BMPR1B: variants seen among roughly 807,000 people sequenced by gnomAD.
BMPR1B encodes the protein bone morphogenetic protein receptor type 1B.
BMPR1B carries 12 observed loss-of-function variants against 59.1 expected under a neutral mutation model. The ratio of observed to expected loss-of-function variants is 0.20; its 90% CI spans 0.13 to 0.33. BMPR1B has a LOEUF of 0.33. Among genes scored for constraint, BMPR1B ranks in the 10% least tolerant of loss-of-function variants. BMPR1B has a pLI of 1.00. For synonymous variants in BMPR1B, 237 were observed against 207.3 expected (o/e 1.14, Z -1.23); for missense variants, 550 against 610.9 (o/e 0.90, Z 1.05).
intron 2 of BMPR1B, among the ~76,000 whole-genome samples, chr4:94,910,811 C>T (rs1284829338): frequency 2.0e-5 from 3 of 151,872 alleles, no homozygotes; most frequent in East Asian, 3.9e-4. Flanking sequence ...GCTCAGGAGG[C>T]GGAGGCAGGA....
intron 2 of BMPR1B, among the ~76,000 whole-genome samples, chr4:94,916,068 C>G (rs1322865741): frequency 6.6e-6 from 1 of 152,184 alleles, no homozygotes; most frequent in Admixed American, 6.5e-5. Context: ...CAGACCCACA[C>G]TTTCTGTATA....
At chr4:94,947,860 T>A (rs375282794) in intron 2 of BMPR1B, among the ~76,000 whole-genome samples, 1 of 152,242 alleles carries the variant, frequency 6.6e-6, no homozygotes, top group Non-Finnish European at 1.5e-5. Context: ...TTCATGGCCT[T>A]ACATTTACCT....
At chr4:94,961,360 C>G (rs1432631937) in intron 2 of BMPR1B, among the ~76,000 whole-genome samples, 1 of 152,148 alleles carries the variant, frequency 6.6e-6, no homozygotes, top group Non-Finnish European at 1.5e-5. Flanking sequence ...TCAGAGACCA[C>G]ATGGCCGGCA....
chr4:94,794,409 T>C (rs1321371053), intron 1 of BMPR1B, among the ~76,000 whole-genome samples: 2 of 151,164 alleles, frequency 1.3e-5, no homozygotes, highest in Non-Finnish European at 2.9e-5. Context: ...CCATGCTGTT[T>C]TGGTAACTGT....
intron 10 of BMPR1B, among the ~76,000 whole-genome samples, chr4:95,143,488 C>G (rs1218402475): frequency 3.3e-5 from 5 of 152,110 alleles, no homozygotes; most frequent in Non-Finnish European, 1.5e-5. Flanking sequence ...CTCCCCTTCC[C>G]TACCCTCAAA....
rs535533177 is a variant in BMPR1B at position 95,022,630 on chromosome 4, T to C, written c.-18+26496T>C. On this transcript the variant is annotated intron_variant, in intron 3 of 12. Coordinates refer to ENST00000515059, the MANE Select transcript of BMPR1B (RefSeq NM_001203.3). ...TGCCTATTTCTGAGCTTTAATGTTA[T>C]GTTCTACGGCAGGAAAATATTTTTA... Among the ~76,000 whole-genome samples the C allele has an allele frequency of 2.6e-3, 399 of 152,272 alleles. 2 individuals are homozygous for C. Among genetic ancestry groups the C allele is most frequent in the African/African-American group, 8.8e-3 (367 of 41,570 alleles).
intron 2 of BMPR1B, among the ~76,000 whole-genome samples, chr4:94,882,348 C>T (rs1727005917): frequency 1.3e-5 from 2 of 152,108 alleles, no homozygotes; most frequent in African/African-American, 4.8e-5. Context: ...TATAGCTTTG[C>T]CTTAATCTTG....
intron 8 of BMPR1B, among the ~76,000 whole-genome samples, chr4:95,125,426 C>T: frequency 6.6e-6 from 1 of 152,240 alleles, no homozygotes; most frequent in South Asian, 2.1e-4. Context: ...ATAGCATTAC[C>T]GCACTTTGGC....
intron 1 of BMPR1B, among the ~76,000 whole-genome samples, chr4:94,820,993 T>C (rs1724187614): frequency 6.6e-6 from 1 of 152,222 alleles, no homozygotes; most frequent in African/African-American, 2.4e-5. Context: ...GCCATTGCTG[T>C]TCCTTAGATT....
At chr4:94,996,403 A>G (rs1375421984) in intron 3 of BMPR1B, 2 of 152,184 alleles carry the variant, frequency 1.3e-5, no homozygotes, top group East Asian at 1.9e-4. Context: ...CTGTCTCTTC[A>G]TTCTGTCAAA....
At chr4:94,786,234 G>A (rs1257044262) in intron 1 of BMPR1B, among the ~76,000 whole-genome samples, 1 of 152,176 alleles carries the variant, frequency 6.6e-6, no homozygotes, top group Non-Finnish European at 1.5e-5. Context: ...ACCCCTGTGT[G>A]ATTTGGAATT....
chr4:94,844,863 G>A (rs1439081828), intron 1 of BMPR1B, among the ~76,000 whole-genome samples: 1 of 152,164 alleles, frequency 6.6e-6, no homozygotes. Context: ...CACTAATCAG[G>A]AGTGCAAATT....
chr4:94,912,068 G>A (rs1578794060), intron 2 of BMPR1B, among the ~76,000 whole-genome samples: 1 of 152,082 alleles, frequency 6.6e-6, no homozygotes, highest in African/African-American at 2.4e-5. Flanking sequence ...TACATGGATG[G>A]CAGCAGACAA....
At chr4:95,126,182 G>T (rs1335290604) in intron 8 of BMPR1B, among the ~76,000 whole-genome samples, 1 of 152,136 alleles carries the variant, frequency 6.6e-6, no homozygotes, top group Admixed American at 6.6e-5. Context: ...TAGTGGTAAT[G>T]TTCTTGTGTC....
intron 3 of BMPR1B, among the ~76,000 whole-genome samples, chr4:95,083,195 T>C (rs1729308480): frequency 6.6e-6 from 1 of 152,088 alleles, no homozygotes; most frequent in South Asian, 2.1e-4. Context: ...TGGCAATATT[T>C]TTAACATAAT....
At chr4:94,815,083 T>G (rs1245207343) in intron 1 of BMPR1B, among the ~76,000 whole-genome samples, 1 of 152,082 alleles carries the variant, frequency 6.6e-6, no homozygotes, top group Non-Finnish European at 1.5e-5. Flanking sequence ...TTTTGTATTT[T>G]TAGTAGAGAT....
intron 2 of BMPR1B, among the ~76,000 whole-genome samples, chr4:94,990,698 TTGTTG>T (rs1721679878): frequency 1.3e-5 from 2 of 152,008 alleles, no homozygotes; most frequent in African/African-American, 4.8e-5. Context: ...GTTGTTGTTG[TTGTTG>T]TTTTTTATAC....
At chr4:94,999,628 G>A (rs1018808670) in intron 3 of BMPR1B, among the ~76,000 whole-genome samples, 4 of 152,200 alleles carry the variant, frequency 2.6e-5, no homozygotes, top group African/African-American at 7.2e-5. Context: ...GTTGACTGCT[G>A]TGGTAAATTA....
At position 95,043,278 on chromosome 4, in the gene BMPR1B, C is replaced by T. The variant is rs1399177632; in HGVS notation, c.-18+47144C>T. On this transcript the variant is annotated intron_variant, in intron 3 of 12. Transcript: ENST00000515059. ...TAGGGTGCAAGTCTGACCTCATGGT[C>T]TTTTAGTAGCATACCGCTAAAACCA... Among the ~76,000 whole-genome samples the T allele has an allele frequency of 3.4e-5, 5 of 146,268 alleles. No individual in the cohort carries two copies. The South Asian group carries it at 9.0e-4, about 26-fold the overall frequency.
Sources: gnomAD v4.1 joint callset for allele counts (sites outside exome capture counted in the v4.1 genomes callset) on GRCh38, gnomAD v4.1.1 for gene constraint, MANE v1.5 for transcripts, NCBI Gene and HGNC (gene_info 2026-07-23, HGNC 2026-07-21) for gene names.